RBMS3: variants seen among roughly 807,000 people sequenced by gnomAD.
RBMS3 encodes RNA binding motif single stranded interacting protein 3, also known as RNA-binding motif, single-stranded-interacting protein 3.
Under a neutral mutation model 66.8 loss-of-function variants are expected in RBMS3, and 27 were observed. That is an observed-to-expected ratio of 0.40 (90% CI 0.30 to 0.56). The LOEUF (loss-of-function observed/expected upper bound fraction) is 0.56, where lower values mean the gene tolerates loss of function less well. Ranked by LOEUF, RBMS3 falls within the 20% of genes least tolerant of loss-of-function variation. RBMS3 has a pLI of 0.40. For synonymous variants in RBMS3, 188 were observed against 183.0 expected, an observed-to-expected ratio of 1.03 and a Z score of -0.22; for missense variants, 513 against 549.5, an observed-to-expected ratio of 0.93 and a Z score of 0.66.
At position 29,571,049 on chromosome 3, in the gene RBMS3, A is replaced by G. The variant is rs189347773; in HGVS notation, c.308-16065A>G. On this transcript the variant is annotated intron_variant, in intron 3 of 14. Transcript: ENST00000383767. ...CTGGGCTGAGATGATATCTCATCAT[A>G]GTTTTGATTTGCATTTCTCTGATGA... is the stretch of plus-strand genomic sequence containing the variant. Among the ~76,000 whole-genome samples the G allele has an allele frequency of 6.6e-4, 100 of 152,194 alleles. 1 individual carries two copies. Among genetic ancestry groups the G allele is most frequent in the Non-Finnish European group, 1.5e-5 (1 of 67,984 alleles).
At chr3:29,558,382 A>G (rs1240970081) in intron 3 of RBMS3, among the ~76,000 whole-genome samples, 1 of 152,236 alleles carries the variant, frequency 6.6e-6, no homozygotes, top group Non-Finnish European at 1.5e-5. Flanking sequence ...GGGGCTGACC[A>G]TGATCCAGGC....
intron 3 of RBMS3, among the ~76,000 whole-genome samples, chr3:29,581,135 C>T (rs2047315040): frequency 6.6e-6 from 1 of 152,078 alleles, no homozygotes; most frequent in Non-Finnish European, 1.5e-5. Flanking sequence ...TAAGGTAGAC[C>T]ATATGGCTAT....
chr3:29,938,053 G>C (rs559900033), intron 11 of RBMS3, among the ~76,000 whole-genome samples: 1 of 151,884 alleles, frequency 6.6e-6, no homozygotes, highest in South Asian at 2.1e-4. Context: ...TGGTTCAAAA[G>C]TAAAGCCAAC....
intron 4 of RBMS3, among the ~76,000 whole-genome samples, chr3:29,657,118 G>A (rs1440505): frequency 0.016 from 2,487 of 152,292 alleles, 49 homozygotes; most frequent in African/African-American, 0.049. Context: ...CACACAGGAG[G>A]CTGGGAAATG....
intron 10 of RBMS3, among the ~76,000 whole-genome samples, chr3:29,900,605 C>T (rs1295919958): frequency 6.6e-6 from 1 of 151,598 alleles, no homozygotes; most frequent in African/African-American, 2.4e-5. Context: ...GGAAAGAGCC[C>T]TAGACTGGAA....
chr3:29,455,965 T>C (rs1448505796), intron 2 of RBMS3, among the ~76,000 whole-genome samples: 1 of 152,186 alleles, frequency 6.6e-6, no homozygotes, highest in African/African-American at 2.4e-5. Flanking sequence ...TTCACCACAC[T>C]GTACATGTCG....
At chr3:29,518,029 G>GC (rs1194674904) in intron 3 of RBMS3, among the ~76,000 whole-genome samples, 1 of 152,118 alleles carries the variant, frequency 6.6e-6, no homozygotes, top group Non-Finnish European at 1.5e-5. Flanking sequence ...GGCCTGTTGT[G>GC]CATAAGTAAG....
chr3:29,980,391 A>G (rs978974713), intron 12 of RBMS3, among the ~76,000 whole-genome samples: 1 of 152,054 alleles, frequency 6.6e-6, no homozygotes, highest in Non-Finnish European at 1.5e-5. Flanking sequence ...TCGCGTGTTC[A>G]CTCTGATGAT....
At chr3:29,488,940 G>C (rs141397962) in intron 3 of RBMS3, among the ~76,000 whole-genome samples, 1 of 152,154 alleles carries the variant, frequency 6.6e-6, no homozygotes, top group East Asian at 1.9e-4. Flanking sequence ...ATTGTATTAA[G>C]CTTCAGCTAT....
chr3:29,810,040 C>T (rs944860692), intron 6 of RBMS3, among the ~76,000 whole-genome samples: 2 of 151,960 alleles, frequency 1.3e-5, no homozygotes, highest in Non-Finnish European at 2.9e-5. Context: ...AAGGAAGCAT[C>T]GTTTTCAATT....
chr3:29,936,490 C>T (rs985595673), intron 11 of RBMS3, among the ~76,000 whole-genome samples: 13 of 152,158 alleles, frequency 8.5e-5, no homozygotes, highest in African/African-American at 3.1e-4. Flanking sequence ...TTTGTATGCA[C>T]CTGCAAATCT....
At chr3:29,519,901 T>C (rs2148971163) in intron 3 of RBMS3, among the ~76,000 whole-genome samples, 1 of 152,286 alleles carries the variant, frequency 6.6e-6, no homozygotes, top group East Asian at 1.9e-4. Context: ...TAATCACAGT[T>C]GCCAGATAAA....
At chr3:29,663,969 A>G (rs1444560160) in intron 4 of RBMS3, among the ~76,000 whole-genome samples, 1 of 152,212 alleles carries the variant, frequency 6.6e-6, no homozygotes, top group Non-Finnish European at 1.5e-5. Flanking sequence ...ATTATCTATT[A>G]TTGTAAACCT....
At chr3:29,566,634 C>CAAAA (rs11445860) in intron 3 of RBMS3, among the ~76,000 whole-genome samples, 3 of 119,906 alleles carry the variant, frequency 2.5e-5, no homozygotes, top group Non-Finnish European at 5.3e-5. Context: ...AAGCAAAATG[C>CAAAA]AAAAAAAAAA....
At chr3:29,450,936 C>CACA (rs1559371698) in intron 2 of RBMS3, among the ~76,000 whole-genome samples, 126 of 139,850 alleles carry the variant, frequency 9.0e-4, no homozygotes, top group African/African-American at 3.1e-3. Context: ...CACACACCCC[C>CACA]CACACACACA....
At chr3:29,583,904 C>T (rs1431232980) in intron 3 of RBMS3, among the ~76,000 whole-genome samples, 1 of 152,098 alleles carries the variant, frequency 6.6e-6, no homozygotes, top group Non-Finnish European at 1.5e-5. Flanking sequence ...AATAGACACA[C>T]ACACACACAC....
At chr3:29,867,585 G>A (rs924903682) in intron 6 of RBMS3, among the ~76,000 whole-genome samples, 2 of 147,266 alleles carry the variant, frequency 1.4e-5, no homozygotes, top group Admixed American at 1.4e-4. Flanking sequence ...GGCTAACCTG[G>A]GCATGTTCAC....
chr3:29,946,057 T>C (rs1253659566), intron 12 of RBMS3, among the ~76,000 whole-genome samples: 3 of 151,716 alleles, frequency 2.0e-5, no homozygotes, highest in African/African-American at 7.3e-5. Flanking sequence ...ATATGAAAAA[T>C]AACATTTTGG....
At chr3:29,865,695 C>T (rs1181312189) in intron 6 of RBMS3, among the ~76,000 whole-genome samples, 1 of 152,138 alleles carries the variant, frequency 6.6e-6, no homozygotes, top group Non-Finnish European at 1.5e-5. Flanking sequence ...AGAGGACAAT[C>T]AAGTTCGATC....
Sources: gnomAD v4.1 joint callset for allele counts (sites outside exome capture counted in the v4.1 genomes callset) on GRCh38, gnomAD v4.1.1 for gene constraint, MANE v1.5 for transcripts, NCBI Gene and HGNC (gene_info 2026-07-23, HGNC 2026-07-21) for gene names.